Variants in SORCS1 observed in about 807,000 individuals in gnomAD.
SORCS1 encodes the protein sortilin related VPS10 domain containing receptor 1.
Under a neutral mutation model 146.1 loss-of-function variants are expected in SORCS1, and 60 were observed. That is an observed-to-expected ratio of 0.41 (90% CI 0.33 to 0.51). The LOEUF is 0.51. Among genes scored for constraint, SORCS1 ranks in the 20% least tolerant of loss-of-function variants. The pLI is 0.21. For synonymous variants in SORCS1, 637 were observed against 584.0 expected, an observed-to-expected ratio of 1.09 and a Z score of -1.31; for missense variants, 1,352 against 1,487.6, an observed-to-expected ratio of 0.91 and a Z score of 1.50.
intron 23 of SORCS1, 116 bp downstream of exon 23, chr10:106,607,049 CT>C: frequency 2.9e-6 from 4 of 1,380,206 alleles, no homozygotes; most frequent in Non-Finnish European, 4.0e-6. Flanking sequence ...CTTGCATGTG[CT>C]TTTGGTGAAG....
chr10:106,640,561 A>G (rs1372303650), intron 18 of SORCS1, among the ~76,000 whole-genome samples: 2 of 152,244 alleles, frequency 1.3e-5, no homozygotes, highest in South Asian at 4.1e-4. Flanking sequence ...TAATATGCAG[A>G]TACTACTTCT....
chr10:107,098,807 T>C (rs913290799), intron 1 of SORCS1, among the ~76,000 whole-genome samples: 1 of 152,216 alleles, frequency 6.6e-6, no homozygotes, highest in African/African-American at 2.4e-5. Context: ...TGTATTACTC[T>C]GGGAAAACAC....
chr10:106,700,576 G>A (rs765367993), intron 8 of SORCS1, among the ~76,000 whole-genome samples: 3 of 152,156 alleles, frequency 2.0e-5, no homozygotes, highest in Non-Finnish European at 4.4e-5. Flanking sequence ...AAAAGCTTTA[G>A]GAAATCTGAC....
intron 1 of SORCS1, among the ~76,000 whole-genome samples, chr10:107,080,250 T>A (rs903305520): frequency 1.7e-4 from 26 of 152,332 alleles, no homozygotes; most frequent in Admixed American, 1.6e-3. Flanking sequence ...TGTTTTGCAG[T>A]GTGTAGTCTT....
At chr10:107,129,837 G>A (rs1296731459) in intron 1 of SORCS1, among the ~76,000 whole-genome samples, 4 of 152,114 alleles carry the variant, frequency 2.6e-5, no homozygotes, top group Non-Finnish European at 4.4e-5. Context: ...TGCTATTGCT[G>A]GATTCTGTGT....
chr10:106,939,045 G>A (rs777580785), intron 2 of SORCS1, among the ~76,000 whole-genome samples: 2 of 152,184 alleles, frequency 1.3e-5, no homozygotes, highest in Non-Finnish European at 2.9e-5. Flanking sequence ...ATTCTGACTC[G>A]TTTTTGAGGT....
chr10:106,968,271 C>T (rs984104266), intron 1 of SORCS1, among the ~76,000 whole-genome samples: 2 of 152,018 alleles, frequency 1.3e-5, no homozygotes, highest in African/African-American at 4.8e-5. Flanking sequence ...TTTGTAGGAG[C>T]GAGATGGAAG....
chr10:107,163,434 A>G (rs1047646432), intron 1 of SORCS1, among the ~76,000 whole-genome samples: 4 of 152,224 alleles, frequency 2.6e-5, no homozygotes, highest in Admixed American at 2.0e-4. Flanking sequence ...AGGATACACT[A>G]AAGAACACCT....
chr10:107,054,499 G>A (rs769290460), intron 1 of SORCS1, among the ~76,000 whole-genome samples: 15 of 152,278 alleles, frequency 9.9e-5, no homozygotes, highest in Middle Eastern at 3.4e-3. Context: ...ACAGAAAAGA[G>A]CTGGACACGT....
intron 18 of SORCS1, among the ~76,000 whole-genome samples, chr10:106,637,822 C>T (rs1848815689): frequency 1.3e-5 from 2 of 152,162 alleles, no homozygotes; most frequent in African/African-American, 4.8e-5. Context: ...ATCTAATGCC[C>T]AGATCAAGGC....
In SORCS1 at chr10:106,992,734, C is replaced by G. The variant is rs533884760; in HGVS notation, c.559-36154G>C. ...TTGGTCTGGAACTCTTGACCTCAAG[C>G]AATCCTCCATCTTAGCTTCTCAGAG... On this transcript the variant is annotated intron_variant, in intron 1 of 25. Coordinates refer to ENST00000263054, the MANE Select transcript of SORCS1 (RefSeq NM_052918.5). Among the ~76,000 whole-genome samples, 4 of 151,830 alleles carry G rather than the reference C, an allele frequency of 2.6e-5. No homozygotes were observed. In the East Asian group the frequency reaches 7.7e-4, roughly 29 times the overall value.
intron 1 of SORCS1, among the ~76,000 whole-genome samples, chr10:106,971,210 A>G (rs913948888): frequency 1.3e-5 from 2 of 152,164 alleles, no homozygotes; most frequent in East Asian, 3.8e-4. Context: ...AAATTTCAAA[A>G]TATGACCTCT....
intron 3 of SORCS1, among the ~76,000 whole-genome samples, chr10:106,800,317 C>G (rs1448371663): frequency 6.6e-6 from 1 of 152,034 alleles, no homozygotes; most frequent in Non-Finnish European, 1.5e-5. Context: ...AAAGTATATG[C>G]TAAGTGATAC....
At position 106,620,424 on chromosome 10, in the gene SORCS1, C is replaced by T. The variant is rs771705011; in HGVS notation, c.2796+4G>A. On this transcript the variant is annotated splice_donor_region_variant and intron_variant, in intron 20 of 25. Coordinates refer to ENST00000263054, the MANE Select transcript of SORCS1 (RefSeq NM_052918.5). Reference sequence around the variant, plus strand: ...CCTAGATCGCATGTGGAAGGTGAACCCACCTCCGTGTTGTTTCCGTACCAC... The same window carrying T: ...CCTAGATCGCATGTGGAAGGTGAACTCACCTCCGTGTTGTTTCCGTACCAC... 2.5e-6 allele frequency: 4 copies of T among 1,610,846 alleles called. No homozygotes were observed. The highest frequency in any genetic ancestry group is 1.1e-5 in the South Asian group (1 of 90,676).
chr10:106,918,960 C>A (rs1242090282), intron 2 of SORCS1, among the ~76,000 whole-genome samples: 3 of 152,086 alleles, frequency 2.0e-5, no homozygotes, highest in African/African-American at 7.2e-5. Context: ...CCTCAGCCTC[C>A]CATGTAGCTG....
chr10:107,094,590 A>G (rs879642859), intron 1 of SORCS1, among the ~76,000 whole-genome samples: 9 of 152,336 alleles, frequency 5.9e-5, no homozygotes, highest in Non-Finnish European at 1.3e-4. Context: ...AGATCATACA[A>G]CAGATTTAGA....
At chr10:106,989,401 G>T (rs1055138318) in intron 1 of SORCS1, among the ~76,000 whole-genome samples, 8 of 151,672 alleles carry the variant, frequency 5.3e-5, no homozygotes, top group Admixed American at 2.0e-4. Flanking sequence ...CTTGATGTAT[G>T]GGAACTTAAC....
At chr10:107,140,732 G>A (rs374291386) in intron 1 of SORCS1, among the ~76,000 whole-genome samples, 7 of 152,098 alleles carry the variant, frequency 4.6e-5, no homozygotes, top group South Asian at 2.1e-4. Context: ...GACATCATTC[G>A]ATATCCCAAC....
intron 3 of SORCS1, among the ~76,000 whole-genome samples, chr10:106,814,914 C>CAAAA (rs779366731): frequency 5.5e-4 from 36 of 65,812 alleles, no homozygotes; most frequent in African/African-American, 1.6e-3. Flanking sequence ...GACTCCATCT[C>CAAAA]AAAAAAAAAA....
Sources: gnomAD v4.1 joint callset for allele counts (sites outside exome capture counted in the v4.1 genomes callset) on GRCh38, gnomAD v4.1.1 for gene constraint, MANE v1.5 for transcripts, NCBI Gene and HGNC (gene_info 2026-07-23, HGNC 2026-07-21) for gene names.